Variants in CLIP1 observed in about 807,000 individuals in gnomAD.
The protein encoded by CLIP1 is CAP-Gly domain containing linker protein 1, also known as CAP-Gly domain-containing linker protein 1.
Under a neutral mutation model 161.6 loss-of-function variants are expected in CLIP1, and 66 were observed. The ratio of observed to expected loss-of-function variants is 0.41; its 90% CI spans 0.33 to 0.50. CLIP1 has a LOEUF of 0.50. Ranked by LOEUF, CLIP1 falls within the 20% of genes least tolerant of loss-of-function variation. The pLI is 0.27. For missense variants in CLIP1, 1,376 were observed against 1,702.0 expected (o/e 0.81, Z 3.37); for synonymous variants, 598 against 626.2 (o/e 0.96, Z 0.67).
Position 122,323,132 on chromosome 12 carries a change from A to C in CLIP1, c.3250-3784T>G, listed in dbSNP as rs568419234. 1 of 152,680 alleles carries C rather than the reference A, an allele frequency of 6.5e-6. No homozygotes were observed. The highest frequency in any genetic ancestry group is 3.4e-3 in the Middle Eastern group (1 of 294). 9.5% of individuals were successfully genotyped at this position (152,680 alleles called of 1,614,324 possible). Reference sequence around the variant, plus strand: ...TTTGATGGAATTCTCTCTCTCTGCAAGTAAAGCTCCATTTTGCGTTTCCAG... The same window carrying C: ...TTTGATGGAATTCTCTCTCTCTGCACGTAAAGCTCCATTTTGCGTTTCCAG... On this transcript the variant is annotated intron_variant, in intron 17 of 25. Coordinates refer to ENST00000620786, the MANE Select transcript of CLIP1 (RefSeq NM_001247997.2). The surrounding 1 kb of genome is among the most constrained non-coding windows in gnomAD (Gnocchi z 4.1).
intron 24 of CLIP1, chr12:122,276,671 G>T: frequency 3.1e-6 from 1 of 321,038 alleles, no homozygotes; most frequent in Non-Finnish European, 5.9e-6. Context: ...ATAAAATGTG[G>T]CTTTTGTACT....
intron 21 of CLIP1, among the ~76,000 whole-genome samples, chr12:122,283,375 A>AAAAAAAC (rs1020640086): frequency 6.6e-6 from 1 of 152,096 alleles, no homozygotes; most frequent in East Asian, 1.9e-4. Flanking sequence ...TTAAAGTTAC[A>AAAAAAAC]AAAAAACAAA....
chr12:122,401,422 T>G (rs1956138043), intron 1 of CLIP1, among the ~76,000 whole-genome samples: 1 of 152,128 alleles, frequency 6.6e-6, no homozygotes, highest in African/African-American at 2.4e-5. Flanking sequence ...TCCTAGCACT[T>G]TGGGAGGCCA....
intron 5 of CLIP1, among the ~76,000 whole-genome samples, chr12:122,358,506 AG>A (rs1190409998): frequency 5.9e-5 from 9 of 151,880 alleles, no homozygotes; most frequent in African/African-American, 2.2e-4. Flanking sequence ...GGAAGGGGGC[AG>A]TATGGCATAA....
intron 12 of CLIP1, among the ~76,000 whole-genome samples, chr12:122,335,756 G>A (rs934775756): frequency 3.3e-5 from 5 of 151,634 alleles, no homozygotes; most frequent in African/African-American, 4.8e-5. Context: ...GCAGTGAGCC[G>A]AGATCGCGCC....
In CLIP1 at chr12:122,380,356, G is replaced by A. The variant is rs186178659; in HGVS notation, c.85+12C>T. On this transcript the variant is annotated intron_variant, in intron 2 of 25. Coordinates refer to ENST00000620786, the MANE Select transcript of CLIP1 (RefSeq NM_001247997.2). Reference sequence around the variant, plus strand: ...CATATAGGATAAGGAAAGGAAAAGCGTAAAGTATTACCAGCCGTAGGTGTC... The same window carrying A: ...CATATAGGATAAGGAAAGGAAAAGCATAAAGTATTACCAGCCGTAGGTGTC... The A allele has an allele frequency of 7.5e-6, 12 of 1,592,232 alleles. No homozygotes were observed. The highest frequency in any genetic ancestry group is 6.8e-5 in the East Asian group (3 of 44,308).
chr12:122,403,216 G>T (rs1956198895), intron 1 of CLIP1, among the ~76,000 whole-genome samples: 1 of 152,014 alleles, frequency 6.6e-6, no homozygotes, highest in Non-Finnish European at 1.5e-5. Flanking sequence ...GCATAGAAAA[G>T]GAAAAAATAG....
At chr12:122,302,751 C>T (rs981099346) in intron 20 of CLIP1, among the ~76,000 whole-genome samples, 15 of 151,920 alleles carry the variant, frequency 9.9e-5, no homozygotes, top group Non-Finnish European at 5.9e-5. Context: ...CAGGCACCAC[C>T]ACGCCTGGCT....
At chr12:122,339,024 G>A (rs550571644) in intron 11 of CLIP1, among the ~76,000 whole-genome samples, 103 of 152,222 alleles carry the variant, frequency 6.8e-4, no homozygotes, top group African/African-American at 2.4e-3. Context: ...CCACAAAAAA[G>A]TTCAGAACAT....
chr12:122,278,323 C>G, intron 23 of CLIP1, 120 bp from the exon 24 acceptor site: 1 of 869,332 alleles, frequency 1.2e-6, no homozygotes, highest in Admixed American at 2.2e-5. Flanking sequence ...TGTGGACTTC[C>G]CAGATGCACC....
At chr12:122,397,103 A>G (rs1384287434) in intron 1 of CLIP1, among the ~76,000 whole-genome samples, 3 of 151,504 alleles carry the variant, frequency 2.0e-5, no homozygotes, top group African/African-American at 2.4e-5. Flanking sequence ...GATTCACACC[A>G]TATTTCCCAG....
At chr12:122,348,888 TC>T (rs1203186099) in intron 9 of CLIP1, among the ~76,000 whole-genome samples, 1 of 152,196 alleles carries the variant, frequency 6.6e-6, no homozygotes, top group Non-Finnish European at 1.5e-5. Flanking sequence ...GCAAACGTCT[TC>T]ACTCATTCCA....
At chr12:122,281,427 A>G (rs1447789570) in intron 21 of CLIP1, among the ~76,000 whole-genome samples, 4 of 152,062 alleles carry the variant, frequency 2.6e-5, no homozygotes, top group African/African-American at 9.7e-5. Flanking sequence ...TGTCTCATCC[A>G]TGTCATCCCA....
chr12:122,418,617 G>A (rs1202753011), intron 1 of CLIP1, among the ~76,000 whole-genome samples: 1 of 152,060 alleles, frequency 6.6e-6, no homozygotes, highest in Non-Finnish European at 1.5e-5. Context: ...TAATTAGCCA[G>A]GCATGATAGC....
chr12:122,404,765 T>G (rs752100087), intron 1 of CLIP1, among the ~76,000 whole-genome samples: 4 of 150,024 alleles, frequency 2.7e-5, no homozygotes, highest in Admixed American at 6.7e-5. Context: ...TAGCCTGGCA[T>G]GGTGGCGGGC....
intron 1 of CLIP1, among the ~76,000 whole-genome samples, chr12:122,416,117 A>C (rs977968677): frequency 6.6e-6 from 1 of 151,726 alleles, no homozygotes; most frequent in African/African-American, 2.4e-5. Context: ...AGGCGCCTGT[A>C]ATCCCAGCTA....
chr12:122,377,447 G>A lies in CLIP1; in HGVS notation c.599C>T (p.Ser200Leu). The A allele has an allele frequency of 6.2e-7, 1 of 1,614,146 alleles. No individual in the cohort carries two copies. The highest frequency in any genetic ancestry group is 1.1e-5 in the South Asian group (1 of 91,076). The change falls in exon 3 of 26, where the codon TCA becomes TTA. Residue 200 changes from serine to leucine, a missense_variant. By Grantham distance (145) the Ser-to-Leu change is moderately radical. Coordinates refer to ENST00000620786, the MANE Select transcript of CLIP1 (RefSeq NM_001247997.2). ...KTASESISNL[S>L]EAGSIKKGER... ...TCCTTTCTTGATTGAGCCAGCCTCT[G>A]AAAGGTTGGAGATAGATTCACTGGC...
chr12:122,321,626 C>G (rs575634011), intron 17 of CLIP1, among the ~76,000 whole-genome samples: 59 of 152,168 alleles, frequency 3.9e-4, no homozygotes, highest in African/African-American at 1.4e-3. Flanking sequence ...TCAAGCAATC[C>G]TCTCATCTCA....
rs200449581 is a variant in CLIP1 at position 122,360,982 on chromosome 12, T to C, written c.982A>G (p.Ser328Gly). The change falls in exon 5 of 26, where the codon AGC becomes GGC. Residue 328 changes from serine (S) to glycine (G), a missense_variant. Physicochemically the swap from Ser to Gly is moderately conservative, Grantham distance 56 (BLOSUM62 0). Around this residue, in one of 6 missense-constraint regions of CLIP1, gnomAD observed 211 missense variants for 295.1 expected, o/e 0.72. Transcript: ENST00000620786. ...ACTAGTCCTGTCCGACTGGGCCTGC[T>C]GCTCACAGAGGAGGCCACTGAGCTC... ...SMSSVASSVSSRPSRTGLLTE... is the reference protein window; with the variant it reads ...SMSSVASSVSGRPSRTGLLTE... 1 of 1,613,692 alleles carries C rather than the reference T, an allele frequency of 6.2e-7. No individual in the cohort carries two copies. Among genetic ancestry groups the C allele is most frequent in the East Asian group, 2.2e-5 (1 of 44,878 alleles).
Sources: gnomAD v4.1 joint callset for allele counts (sites outside exome capture counted in the v4.1 genomes callset) on GRCh38, gnomAD v4.1.1 for gene constraint, gnomAD v4.1.1 regional missense constraint, Gnocchi (gnomAD v3.1) non-coding constraint, MANE v1.5 for transcripts, NCBI Gene and HGNC (gene_info 2026-07-23, HGNC 2026-07-21) for gene names.